The following FAM204A variants were observed in gnomAD, a reference collection of about 807,000 sequenced individuals.
The protein encoded by FAM204A is protein FAM204A.
Under a neutral mutation model 35.4 loss-of-function variants are expected in FAM204A, and 16 were observed. The ratio of observed to expected loss-of-function variants is 0.45; its 90% CI spans 0.31 to 0.69. FAM204A has a LOEUF of 0.69. Ranked by LOEUF, FAM204A falls within the 30% of genes least tolerant of loss-of-function variation. The probability of loss-of-function intolerance (pLI) is 0.07; values close to 1 mark genes in which losing one functional copy is unlikely to be tolerated. For synonymous variants in FAM204A, 76 were observed against 86.9 expected (o/e 0.88, Z 0.70); for missense variants, 240 against 265.7 (o/e 0.90, Z 0.67).
chr10:118,333,160 G>A (rs182600937), intron 6 of FAM204A, among the ~76,000 whole-genome samples: 24 of 152,108 alleles, frequency 1.6e-4, no homozygotes, highest in African/African-American at 5.3e-4. Context: ...GCTTGGCAGT[G>A]TTCCAAAAAA....
rs1236510585 is a variant in FAM204A, at chr10:118,335,930, T to G, written c.234+252A>C. 1.1e-5 allele frequency: 6 copies of G among 539,204 alleles called. No homozygotes were observed. In the African/African-American group the frequency reaches 1.2e-4, roughly 10 times the overall value. 33.4% of individuals were successfully genotyped at this position (539,204 alleles called of 1,614,324 possible). On this transcript the variant is annotated intron_variant, in intron 3 of 8. Transcript: ENST00000369183. Reference sequence around the variant, plus strand: ...GACAGAAACTACTCATGTACCACGCTAGGCAAACAGCTAATACTACATAGT... The same window carrying G: ...GACAGAAACTACTCATGTACCACGCGAGGCAAACAGCTAATACTACATAGT...
At chr10:118,311,402 G>T in intron 7 of FAM204A, 89 bp from the exon 8 acceptor site, 1 of 1,009,130 alleles carries the variant, frequency 9.9e-7, no homozygotes, top group Non-Finnish European at 1.5e-6. Context: ...GAGAACTTGT[G>T]GGTAAGAAAG....
chr10:118,311,361 T>C (rs1411441406), intron 7 of FAM204A, 48 bp from the exon 8 acceptor site: 7 of 1,387,724 alleles, frequency 5.0e-6, no homozygotes, highest in African/African-American at 1.5e-5. Flanking sequence ...ATATTCCAGC[T>C]AATACAGTAA....
chr10:118,337,313 C>G (rs1467653973), intron 2 of FAM204A: 11 of 764,440 alleles, frequency 1.4e-5, no homozygotes, highest in Non-Finnish European at 1.8e-5. Flanking sequence ...AATAGAGAAG[C>G]CGGTTGTACT....
chr10:118,316,531 G>A (rs1389762512), intron 7 of FAM204A, among the ~76,000 whole-genome samples: 1 of 152,072 alleles, frequency 6.6e-6, no homozygotes, highest in African/African-American at 2.4e-5. Context: ...ATCTTAAAAT[G>A]TGCATGCACA....
rs893964314 is a variant in FAM204A, at chr10:118,342,285, C to G, written c.-225G>C. 1.3e-5 allele frequency: 2 copies of G among 152,560 alleles called. No homozygotes were observed. The highest frequency in any genetic ancestry group is 2.4e-5 in the African/African-American group (1 of 41,590). The allele number at this position is 152,560 out of a possible 1,614,324, so 9.5% of individuals were successfully genotyped here. A position where few individuals can be genotyped will look rare whatever the true frequency, so the allele number is the denominator to read the frequency against. On this transcript the variant is annotated 5_prime_UTR_variant, in exon 1 of 9. Transcript: ENST00000369183. ...CCGTACTCACCTGTCAGGAAGTGGTCGCCCAGCAGCCATCTTAGGACCCCG... is the reference window on the plus strand; with the variant it reads ...CCGTACTCACCTGTCAGGAAGTGGTGGCCCAGCAGCCATCTTAGGACCCCG...
intron 7 of FAM204A, among the ~76,000 whole-genome samples, chr10:118,321,444 AC>A (rs1846113850): frequency 6.6e-6 from 1 of 152,056 alleles, no homozygotes; most frequent in Non-Finnish European, 1.5e-5. Context: ...TTCCACTTAC[AC>A]AGGGCAAAGA....
rs531272888 is a variant in FAM204A at position 118,335,066 on chromosome 10, C to G, written c.453+48G>C. On this transcript the variant is annotated intron_variant, in intron 6 of 8. Coordinates refer to ENST00000369183, the MANE Select transcript of FAM204A (RefSeq NM_022063.3). ...CAAGTACTTTAGGCGAGGCTAATCA[C>G]AAACATATCCTACTAGCTGGTATAA... The G allele has an allele frequency of 7.2e-6, 10 of 1,392,808 alleles. No individual in the cohort carries two copies. The South Asian group carries it at 1.1e-4, about 15-fold the overall frequency. 86.3% of individuals were successfully genotyped at this position (1,392,808 alleles called of 1,614,324 possible).
intron 7 of FAM204A, among the ~76,000 whole-genome samples, chr10:118,319,787 T>A (rs1846083858): frequency 6.6e-6 from 1 of 151,950 alleles, no homozygotes; most frequent in Non-Finnish European, 1.5e-5. Context: ...TTGCAAATCA[T>A]CAAAAACCAA....
chr10:118,313,047 T>C (rs1045386575), intron 7 of FAM204A, among the ~76,000 whole-genome samples: 3 of 152,140 alleles, frequency 2.0e-5, no homozygotes, highest in African/African-American at 7.2e-5. Flanking sequence ...AAGCCTGTAT[T>C]ATCATCATCC....
chr10:118,316,444 G>T (rs1370976829), intron 7 of FAM204A, among the ~76,000 whole-genome samples: 1 of 152,036 alleles, frequency 6.6e-6, no homozygotes, highest in East Asian at 1.9e-4. Context: ...AATAAGCTAG[G>T]CCATATCCAG....
chr10:118,303,979 C>G lies in FAM204A; in HGVS notation c.*6878G>C, dbSNP rs942112456. On this transcript the variant is annotated 3_prime_UTR_variant, in exon 9 of 9. Transcript: ENST00000369183. ...CTGAAGTGCATACTTTTACAAATCA[C>G]CTCCACAAGAGATCTGAGGCACTGT... 6.6e-6 allele frequency: 1 copy of G among 152,194 alleles called. No homozygotes were observed. Among genetic ancestry groups the G allele is most frequent in the Non-Finnish European group, 1.5e-5 (1 of 68,052 alleles). The allele number at this position is 152,194 out of a possible 1,614,324, so 9.4% of individuals were successfully genotyped here. A position where few individuals can be genotyped will look rare whatever the true frequency, so the allele number is the denominator to read the frequency against.
Position 118,342,276 on chromosome 10 carries a change from G to A in FAM204A, c.-216C>T, listed in dbSNP as rs1215325540. The A allele has an allele frequency of 1.3e-5, 2 of 152,426 alleles. No individual in the cohort carries two copies. The highest frequency in any genetic ancestry group is 2.9e-5 in the Non-Finnish European group (2 of 68,234). 9.4% of individuals were successfully genotyped at this position (152,426 alleles called of 1,614,324 possible). A position where few individuals can be genotyped will look rare whatever the true frequency, so the allele number is the denominator to read the frequency against. Reference sequence around the variant, plus strand: ...CTCCATAAGCCGTACTCACCTGTCAGGAAGTGGTCGCCCAGCAGCCATCTT... The same window carrying A: ...CTCCATAAGCCGTACTCACCTGTCAAGAAGTGGTCGCCCAGCAGCCATCTT... On this transcript the variant is annotated 5_prime_UTR_variant, in exon 1 of 9. Transcript: ENST00000369183.
At position 118,310,072 on chromosome 10, in the gene FAM204A, A is replaced by G. The variant is rs1370540552; in HGVS notation, c.*785T>C. 6.6e-6 allele frequency: 1 copy of G among 152,226 alleles called. No individual in the cohort carries two copies. Among genetic ancestry groups the G allele is most frequent in the African/African-American group, 2.4e-5 (1 of 41,452 alleles). 9.4% of individuals were successfully genotyped at this position (152,226 alleles called of 1,614,324 possible). On this transcript the variant is annotated 3_prime_UTR_variant, in exon 9 of 9. Coordinates refer to ENST00000369183, the MANE Select transcript of FAM204A (RefSeq NM_022063.3). ...TAACATTAAGGTCAAGTCATTTGTA[A>G]AGATAATATCAACTGAGACTTTTTG... is the stretch of plus-strand genomic sequence containing the variant.
intron 2 of FAM204A, among the ~76,000 whole-genome samples, chr10:118,336,870 T>C (rs765963151): frequency 2.6e-5 from 4 of 152,200 alleles, no homozygotes; most frequent in Admixed American, 6.5e-5. Flanking sequence ...CTATATTTAA[T>C]GGACAAAGCT....
Position 118,310,818 on chromosome 10 carries a change from G to C in FAM204A, c.*39C>G, listed in dbSNP as rs752765580. The C allele has an allele frequency of 7.0e-5, 105 of 1,510,040 alleles. No homozygotes were observed. In the East Asian group the frequency reaches 2.4e-3, roughly 34 times the overall value. The allele number at this position is 1,510,040 out of a possible 1,614,324, so 93.5% of individuals were successfully genotyped here. A position where few individuals can be genotyped will look rare whatever the true frequency, so the allele number is the denominator to read the frequency against. On this transcript the variant is annotated 3_prime_UTR_variant, in exon 9 of 9. Transcript: ENST00000369183. Reference sequence around the variant, plus strand: ...CAGGAAAACATTCTCAGTAAATTGAGCATTTGAGTCTACAAATGTCTTGAA... The same window carrying C: ...CAGGAAAACATTCTCAGTAAATTGACCATTTGAGTCTACAAATGTCTTGAA...
chr10:118,331,619 C>A (rs148879646), intron 6 of FAM204A, among the ~76,000 whole-genome samples: 1 of 152,024 alleles, frequency 6.6e-6, no homozygotes, highest in East Asian at 1.9e-4. Flanking sequence ...AACTATACCA[C>A]AATATATTTA....
At chr10:118,328,686 T>C (rs2133283928) in intron 6 of FAM204A, among the ~76,000 whole-genome samples, 1 of 152,098 alleles carries the variant, frequency 6.6e-6, no homozygotes, top group Admixed American at 6.5e-5. Flanking sequence ...ATAGACATGG[T>C]TTCACCATGC....
In FAM204A at chr10:118,305,802, T is replaced by C. The variant is rs1845857970; in HGVS notation, c.*5055A>G. ...CATTCAGGAAATGTTCCTTGGGCAT[T>C]ATGTAGGGAGAAATTCAAAGAAACG... is the stretch of plus-strand genomic sequence containing the variant. On this transcript the variant is annotated 3_prime_UTR_variant, in exon 9 of 9. Coordinates refer to ENST00000369183, the MANE Select transcript of FAM204A (RefSeq NM_022063.3). 1 of 152,234 alleles carries C rather than the reference T, an allele frequency of 6.6e-6. No homozygotes were observed. The allele number at this position is 152,234 out of a possible 1,614,324, so 9.4% of individuals were successfully genotyped here.
Sources: allele counts gnomAD v4.1 joint callset (sites outside exome capture counted in the v4.1 genomes callset), GRCh38; gene constraint gnomAD v4.1.1; transcripts MANE v1.5; gene names NCBI Gene and HGNC (gene_info 2026-07-23, HGNC 2026-07-21).